LRP1B: variants seen among roughly 807,000 people sequenced by gnomAD.
LRP1B encodes low-density lipoprotein receptor-related protein 1B.
LRP1B carries 217 observed loss-of-function variants against 556.6 expected under a neutral mutation model. The ratio of observed to expected loss-of-function variants is 0.39; its 90% CI spans 0.35 to 0.44. The LOEUF (loss-of-function observed/expected upper bound fraction) is 0.44, where lower values mean the gene tolerates loss of function less well. LRP1B is among the 20% of genes least tolerant of loss of function. The probability of loss-of-function intolerance (pLI) is 1.00; values close to 1 mark genes in which losing one functional copy is unlikely to be tolerated. For missense variants in LRP1B, 5,053 were observed against 5,620.8 expected, an observed-to-expected ratio of 0.90 and a Z score of 3.23; for synonymous variants, 2,047 against 1,865.8, an observed-to-expected ratio of 1.10 and a Z score of -2.50.
intron 41 of LRP1B, among the ~76,000 whole-genome samples, chr2:140,693,093 T>C (rs1404835010): frequency 6.6e-6 from 1 of 152,214 alleles, no homozygotes; most frequent in African/African-American, 2.4e-5. Context: ...TATATAAATA[T>C]GGATCTGCCT....
rs72485542 is a variant in LRP1B at position 141,086,280 on chromosome 2, A to T, written c.1014-24007T>A. The stretch of plus-strand genomic sequence containing the variant: ...AAAAGCATATATATTGACAATTGGA[A>T]GTAATGATTTTCTACATCTAAATTT... On this transcript the variant is annotated intron_variant, in intron 7 of 90. Coordinates refer to ENST00000389484, the MANE Select transcript of LRP1B (RefSeq NM_018557.3). 0.011 allele frequency among the ~76,000 whole-genome samples: 1,617 copies of T among 152,306 alleles called. 70 individuals carry two copies. The East Asian group carries it at 0.14, about 13-fold the overall frequency.
intron 7 of LRP1B, among the ~76,000 whole-genome samples, chr2:141,153,310 T>C (rs1701973739): frequency 8.3e-6 from 1 of 120,994 alleles, no homozygotes; most frequent in Non-Finnish European, 1.6e-5. Flanking sequence ...ATATATTATA[T>C]ATATTAGCTA....
chr2:140,524,500 A>G (rs1690334207), intron 49 of LRP1B, among the ~76,000 whole-genome samples: 1 of 151,942 alleles, frequency 6.6e-6, no homozygotes, highest in African/African-American at 2.4e-5. Flanking sequence ...GCACTCATAT[A>G]TGTTTATTGA....
chr2:140,924,766 AC>A (rs1694839490), intron 20 of LRP1B, among the ~76,000 whole-genome samples: 1 of 152,212 alleles, frequency 6.6e-6, no homozygotes. Flanking sequence ...CTTTGAACAT[AC>A]CATCTTTATG....
intron 7 of LRP1B, among the ~76,000 whole-genome samples, chr2:141,169,788 C>G (rs1263794513): frequency 7.5e-5 from 11 of 146,160 alleles, no homozygotes; most frequent in Non-Finnish European, 1.6e-4. Context: ...AGTGCACCTC[C>G]CACACCTTAA....
chr2:141,186,138 CT>C (rs1301622696), intron 7 of LRP1B, among the ~76,000 whole-genome samples: 4 of 148,988 alleles, frequency 2.7e-5, no homozygotes, highest in Admixed American at 1.3e-4. Flanking sequence ...TCCAGGCATC[CT>C]TTTGGGGGGT....
chr2:140,628,843 T>C (rs762707540), intron 41 of LRP1B, among the ~76,000 whole-genome samples: 2 of 151,940 alleles, frequency 1.3e-5, no homozygotes, highest in Non-Finnish European at 2.9e-5. Flanking sequence ...TGAGTTCTCA[T>C]GAGATCTGTT....
chr2:141,356,728 T>C, intron 3 of LRP1B, among the ~76,000 whole-genome samples: 1 of 152,170 alleles, frequency 6.6e-6, no homozygotes, highest in East Asian at 1.9e-4. Flanking sequence ...ATATGTTTTA[T>C]ATAACTGTGA....
chr2:141,309,502 A>G (rs1686729885), intron 3 of LRP1B, among the ~76,000 whole-genome samples: 1 of 152,208 alleles, frequency 6.6e-6, no homozygotes, highest in Admixed American at 6.5e-5. Flanking sequence ...AGCCATGAGG[A>G]TTCCACTCTC....
At chr2:140,464,305 T>C (rs1357104564) in intron 60 of LRP1B, among the ~76,000 whole-genome samples, 2 of 152,154 alleles carry the variant, frequency 1.3e-5, no homozygotes, top group Non-Finnish European at 2.9e-5. Flanking sequence ...CCATGGCCCA[T>C]TATTTTCTAG....
At chr2:141,816,001 C>T (rs537092044) in intron 1 of LRP1B, among the ~76,000 whole-genome samples, 2 of 152,330 alleles carry the variant, frequency 1.3e-5, no homozygotes, top group South Asian at 4.1e-4. Flanking sequence ...GCAAGAATAA[C>T]TTTCTAATAG....
At chr2:141,309,512 C>T (rs978836488) in intron 3 of LRP1B, among the ~76,000 whole-genome samples, 4 of 152,170 alleles carry the variant, frequency 2.6e-5, no homozygotes, top group South Asian at 2.1e-4. Flanking sequence ...ATTCCACTCT[C>T]ATGAATGGGA....
chr2:141,586,244 G>T (rs1262128014), intron 2 of LRP1B, among the ~76,000 whole-genome samples: 1 of 151,956 alleles, frequency 6.6e-6, no homozygotes, highest in Non-Finnish European at 1.5e-5. Context: ...AAATTATACA[G>T]GATAAAATAT....
chr2:141,074,539 A>T (rs564964333), intron 7 of LRP1B, among the ~76,000 whole-genome samples: 2 of 149,136 alleles, frequency 1.3e-5, no homozygotes, highest in African/African-American at 4.9e-5. Flanking sequence ...ATGTCTGCAC[A>T]TACTAAGTTC....
At position 140,441,192 on chromosome 2, in the gene LRP1B, C is replaced by T. The variant is rs143580568; in HGVS notation, c.10414+1312G>A. 3.4e-3 allele frequency among the ~76,000 whole-genome samples: 516 copies of T among 152,060 alleles called. 2 individuals carry two copies. The highest frequency in any genetic ancestry group is 3.4e-3 in the Admixed American group (52 of 15,252). ...CCAAAACAAAGTCAAATCATGCTAA[C>T]GTGAGGAAAAGGAAGGAGAGGAAAA... On this transcript the variant is annotated intron_variant, in intron 66 of 90. Transcript: ENST00000389484.
At chr2:141,736,077 T>A (rs1693455279) in intron 2 of LRP1B, among the ~76,000 whole-genome samples, 1 of 152,114 alleles carries the variant, frequency 6.6e-6, no homozygotes, top group Non-Finnish European at 1.5e-5. Flanking sequence ...TCTCACCCAC[T>A]CTCTCTAGGG....
chr2:140,814,856 C>T (rs1011138095), intron 31 of LRP1B, among the ~76,000 whole-genome samples: 2 of 152,078 alleles, frequency 1.3e-5, no homozygotes, highest in Non-Finnish European at 2.9e-5. Flanking sequence ...ATTTTATGGG[C>T]AACTTCACAT....
chr2:141,728,038 A>G (rs1386798630), intron 2 of LRP1B, among the ~76,000 whole-genome samples: 1 of 152,016 alleles, frequency 6.6e-6, no homozygotes, highest in Admixed American at 6.6e-5. Context: ...AATGAGGGGG[A>G]AAGAGAAGCC....
intron 3 of LRP1B, among the ~76,000 whole-genome samples, chr2:141,349,004 C>A (rs1027190858): frequency 6.6e-6 from 1 of 152,032 alleles, no homozygotes; most frequent in Non-Finnish European, 1.5e-5. Flanking sequence ...GAGGCTTCCC[C>A]AGCCACATGG....
Sources: allele counts gnomAD v4.1 joint callset (sites outside exome capture counted in the v4.1 genomes callset), GRCh38; gene constraint gnomAD v4.1.1; transcripts MANE v1.5; gene names NCBI Gene and HGNC (gene_info 2026-07-23, HGNC 2026-07-21).